The following GNAI2 variants were observed in gnomAD, a reference collection of about 807,000 sequenced individuals.
GNAI2 encodes G protein subunit alpha i2.
In GNAI2, 4 loss-of-function variants were observed where a neutral mutation model predicts 36.8. That is an observed-to-expected ratio of 0.11 (90% confidence interval 0.05 to 0.25). The LOEUF (loss-of-function observed/expected upper bound fraction) is 0.25. GNAI2 is among the 10% of genes least tolerant of loss of function. GNAI2 has a pLI of 1.00. For synonymous variants in GNAI2, 194 were observed against 194.1 expected (o/e 1.00, Z 0.01); for missense variants, 230 against 481.3 (o/e 0.48, Z 4.89).
At chr3:50,250,195 G>A (rs1325111700) in intron 1 of GNAI2, among the ~76,000 whole-genome samples, 2 of 152,210 alleles carry the variant, frequency 1.3e-5, no homozygotes, top group African/African-American at 2.4e-5. Flanking sequence ...TGTCATTGAT[G>A]TAGAGCAGCA....
chr3:50,246,858 G>A (rs1299663013), intron 1 of GNAI2: 10 of 1,412,874 alleles, frequency 7.1e-6, no homozygotes, highest in Non-Finnish European at 9.2e-6. Flanking sequence ...ATACTGAAGG[G>A]AAGTGACGAC....
chr3:50,240,040 G>A (rs1700264516), intron 1 of GNAI2: 1 of 152,316 alleles, frequency 6.6e-6, no homozygotes, highest in South Asian at 2.1e-4. Context: ...TCTTGCAAAG[G>A]GCTGGCATAC....
intron 1 of GNAI2, among the ~76,000 whole-genome samples, chr3:50,246,589 T>G (rs1324196307): frequency 2.0e-5 from 3 of 152,210 alleles, no homozygotes; most frequent in South Asian, 2.1e-4. Flanking sequence ...GGGCCTGGTG[T>G]TGTGGGTTTG....
At chr3:50,227,247 C>A (rs587665390), upstream of GNAI2, 429 of 1,090,992 alleles carry the variant, frequency 3.9e-4, 3 homozygotes, top group South Asian at 4.0e-3. The surrounding 1 kb of genome is among the most constrained non-coding windows in gnomAD (Gnocchi z 5.9). Flanking sequence ...GGGCCCCGCG[C>A]GGGGCAAGGG....
intron 1 of GNAI2, among the ~76,000 whole-genome samples, chr3:50,246,285 G>C (rs1208686846): frequency 6.6e-6 from 1 of 152,212 alleles, no homozygotes; most frequent in East Asian, 1.9e-4. Context: ...CCCTGGCTGA[G>C]GCTGCTTTTC....
At chr3:50,257,324 T>C (rs1301075196) in intron 7 of GNAI2, among the ~76,000 whole-genome samples, 176 bp from the exon 8 acceptor site, 2 of 152,218 alleles carry the variant, frequency 1.3e-5, no homozygotes, top group African/African-American at 2.4e-5. Flanking sequence ...CTTCACACAG[T>C]GGGGTACCCC....
chr3:50,246,961 C>A, intron 1 of GNAI2: 1 of 1,505,946 alleles, frequency 6.6e-7, no homozygotes, highest in Non-Finnish European at 8.9e-7. Flanking sequence ...TCTGAATCAG[C>A]CTGTTAGCCG....
intron 1 of GNAI2, chr3:50,239,889 C>T (rs1472366356): frequency 2.6e-5 from 4 of 152,260 alleles, no homozygotes; most frequent in Admixed American, 6.5e-5. Context: ...AGGGGCTGCT[C>T]CGCAGCCCTG....
Position 50,253,170 on chromosome 3 carries a change from C to T in GNAI2, c.450C>T (p.Asn150=), listed in dbSNP as rs782460600. 37 of 1,611,116 alleles carry T rather than the reference C, an allele frequency of 2.3e-5. No individual in the cohort carries two copies. Among genetic ancestry groups the T allele is most frequent in the South Asian group, 9.9e-5 (9 of 90,990 alleles). ...GCCGCTCAAGGGAATACCAGCTCAA[C>T]GACTCAGCTGCCTAGTGAGTGCTCT... is the stretch of plus-strand genomic sequence containing the variant. ...CFGRSREYQL[N]DSAAYYLNDL... Residue 150 remains asparagine (N), a synonymous_variant, in exon 4 of 9, where the codon AAC becomes AAT. Transcript: ENST00000313601. This position sits in a 1 kb window ranked among gnomAD's most constrained non-coding sequence, Gnocchi z 4.2.
Position 50,258,887 on chromosome 3 carries a change from T to C in GNAI2, c.*544T>C. ...TCATTCTCGTAGCTTTTTAAAAAAA[T>C]GAAAGTAAAGGAAAAAAAAAAAACT... On this transcript the variant is annotated 3_prime_UTR_variant, in exon 9 of 9. Transcript: ENST00000313601. 1 of 432,394 alleles carries C rather than the reference T, an allele frequency of 2.3e-6. No homozygotes were observed. Among genetic ancestry groups the C allele is most frequent in the South Asian group, 1.6e-5 (1 of 60,762 alleles). 26.8% of individuals were successfully genotyped at this position (432,394 alleles called of 1,614,324 possible).
intron 4 of GNAI2, 118 bp from the exon 5 acceptor site, chr3:50,256,062 AAAAAAAAAAAAG>A (rs1553703099): frequency 4.5e-6 from 2 of 447,120 alleles, no homozygotes; most frequent in African/African-American, 4.1e-5. Flanking sequence ...AAAAAAAAAA[AAAAAAAAAAAAG>A]CAAGGGCTGT....
upstream of GNAI2, chr3:50,227,534 C>A: frequency 5.2e-6 from 1 of 193,632 alleles, no homozygotes; most frequent in Non-Finnish European, 1.1e-5. This position sits in a 1 kb window ranked among gnomAD's most constrained non-coding sequence, Gnocchi z 5.9. Context: ...CCGTTCCGGC[C>A]TCTCCCGGCC....
chr3:50,251,561 A>G (rs1316171519), intron 1 of GNAI2: 1 of 1,190,294 alleles, frequency 8.4e-7, no homozygotes, highest in Non-Finnish European at 1.1e-6. Context: ...CAGTGAGCAG[A>G]GGGCGGGGCA....
chr3:50,227,168 CG>C (rs1209621751), upstream of GNAI2: 7 of 1,448,146 alleles, frequency 4.8e-6, no homozygotes, highest in Non-Finnish European at 6.4e-6. The surrounding 1 kb of genome is among the most constrained non-coding windows in gnomAD (Gnocchi z 5.9). Context: ...AGCAGAAAGG[CG>C]GGTGTCACTG....
At chr3:50,231,278 T>TG (rs1180279862), upstream of GNAI2, among the ~76,000 whole-genome samples, 1 of 152,112 alleles carries the variant, frequency 6.6e-6, no homozygotes, top group East Asian at 1.9e-4. Flanking sequence ...GATTGATTGA[T>TG]GGATTGATTG....
chr3:50,237,416 G>C (rs1553700500), intron 1 of GNAI2, among the ~76,000 whole-genome samples: 1 of 152,248 alleles, frequency 6.6e-6, no homozygotes, highest in East Asian at 1.9e-4. Flanking sequence ...GGCTGCTAGA[G>C]GAGTGGGGGG....
At chr3:50,245,122 C>T (rs782003427) in intron 1 of GNAI2, among the ~76,000 whole-genome samples, 4 of 152,182 alleles carry the variant, frequency 2.6e-5, no homozygotes, top group Non-Finnish European at 5.9e-5. Context: ...CCTCAGCCTC[C>T]AGAGTAGCTG....
chr3:50,246,103 G>T (rs587701313), intron 1 of GNAI2, among the ~76,000 whole-genome samples: 85 of 152,358 alleles, frequency 5.6e-4, no homozygotes, highest in African/African-American at 2.0e-3. Context: ...GGGGGGCCGG[G>T]GAGCAGCACC....
intron 1 of GNAI2, chr3:50,239,912 G>C (rs1461374499): frequency 2.0e-5 from 3 of 152,264 alleles, no homozygotes; most frequent in Non-Finnish European, 4.4e-5. Context: ...GCTCAGACCA[G>C]AGCAATGCTG....
Sources: allele counts gnomAD v4.1 joint callset (sites outside exome capture counted in the v4.1 genomes callset), GRCh38; gene constraint gnomAD v4.1.1; non-coding constraint Gnocchi (gnomAD v3.1); transcripts MANE v1.5; gene names NCBI Gene and HGNC (gene_info 2026-07-23, HGNC 2026-07-21).